Variants in SGF29 observed in about 807,000 individuals in gnomAD.
The protein encoded by SGF29 is SAGA complex associated factor 29, also known as SAGA-associated factor 29.
SGF29 carries 15 observed loss-of-function variants against 38.1 expected under a neutral mutation model. The observed-to-expected ratio is 0.39, with a 90% CI of 0.26 to 0.61. The LOEUF (loss-of-function observed/expected upper bound fraction) is 0.61. Among genes scored for constraint, SGF29 ranks in the 20% least tolerant of loss-of-function variants. SGF29 has a pLI of 0.49. For missense variants in SGF29, 184 were observed against 394.6 expected (o/e 0.47, Z 4.52); for synonymous variants, 151 against 160.8 (o/e 0.94, Z 0.46).
At chr16:28,568,827 C>T (rs1002817068) in intron 1 of SGF29, among the ~76,000 whole-genome samples, 2 of 151,778 alleles carry the variant, frequency 1.3e-5, no homozygotes, top group African/African-American at 2.4e-5. Context: ...GCAGGAGAAT[C>T]GCTTGAACCC....
rs543135530 is a variant in SGF29, at chr16:28,553,937, G to A, written c.-176G>A. On this transcript the variant is annotated 5_prime_UTR_variant, in exon 1 of 10. Coordinates refer to ENST00000317058, the MANE Select transcript of SGF29 (RefSeq NM_138414.3). ...TGCAAGGTCCTCCGCGCGCGACTAC[G>A]CTCATAAAAGGAAAAAAAAGCGTGT... is the stretch of plus-strand genomic sequence containing the variant. 8.5e-6 allele frequency: 1 copy of A among 117,254 alleles called. No individual in the cohort carries two copies. The highest frequency in any genetic ancestry group is 2.0e-5 in the Non-Finnish European group (1 of 50,602). 7.3% of individuals were successfully genotyped at this position (117,254 alleles called of 1,614,324 possible).
At chr16:28,566,611 G>A (rs930968708) in intron 1 of SGF29, among the ~76,000 whole-genome samples, 3 of 151,838 alleles carry the variant, frequency 2.0e-5, no homozygotes, top group African/African-American at 7.3e-5. Context: ...GCAACATGGT[G>A]AAACCTCATC....
chr16:28,588,559 T>G, intron 4 of SGF29: 1 of 427,746 alleles, frequency 2.3e-6, no homozygotes, highest in Non-Finnish European at 4.6e-6. Context: ...ATACTGAAGA[T>G]TTCCAGTTTT....
At chr16:28,569,011 C>T (rs1324619513) in intron 1 of SGF29, among the ~76,000 whole-genome samples, 2 of 152,044 alleles carry the variant, frequency 1.3e-5, no homozygotes, top group Non-Finnish European at 2.9e-5. Context: ...TCGCTTGAAC[C>T]TGGGAGGCGA....
chr16:28,564,667 AT>A (rs2046818426), intron 1 of SGF29, among the ~76,000 whole-genome samples: 1 of 37,290 alleles, frequency 2.7e-5, no homozygotes, highest in African/African-American at 8.6e-5. Context: ...ATATATATGC[AT>A]ATATATGTAT....
intron 9 of SGF29, 22 bp from the exon 10 acceptor site, chr16:28,591,568 C>G: frequency 5.1e-6 from 8 of 1,562,180 alleles, no homozygotes; most frequent in Non-Finnish European, 7.1e-6. Context: ...TGAGCAGCCC[C>G]TCCTGTCTGC....
At chr16:28,583,316 G>C (rs2046937232) in intron 2 of SGF29, among the ~76,000 whole-genome samples, 2 of 152,210 alleles carry the variant, frequency 1.3e-5, no homozygotes. Flanking sequence ...ACCTTTGTAA[G>C]GGATGTTAGC....
chr16:28,575,644 C>G (rs1300335281), intron 1 of SGF29, among the ~76,000 whole-genome samples: 2 of 152,190 alleles, frequency 1.3e-5, no homozygotes, highest in Admixed American at 6.5e-5. Flanking sequence ...GAGATTGAGT[C>G]ACTGCACTCC....
chr16:28,590,056 A>G lies in SGF29; in HGVS notation c.290-40A>G, dbSNP rs1202400073. 6.3e-7 allele frequency: 1 copy of G among 1,593,872 alleles called. No homozygotes were observed. The highest frequency in any genetic ancestry group is 8.5e-7 in the Non-Finnish European group (1 of 1,171,222). ...AGCATGCTCGGGGGTCAAGGCCGGC[A>G]CCTATCCCTGGGGCCTCAGGCCTCC... On this transcript the variant is annotated intron_variant, in intron 5 of 9. Transcript: ENST00000317058. This position sits in a 1 kb window ranked among gnomAD's most constrained non-coding sequence, Gnocchi z 8.2.
At chr16:28,556,079 A>C (rs2046749009) in intron 1 of SGF29, among the ~76,000 whole-genome samples, 1 of 152,208 alleles carries the variant, frequency 6.6e-6, no homozygotes, top group Admixed American at 6.5e-5. Flanking sequence ...TAAATGAGAA[A>C]CACTGGCATA....
At chr16:28,571,009 G>T (rs2046861739) in intron 1 of SGF29, among the ~76,000 whole-genome samples, 1 of 152,114 alleles carries the variant, frequency 6.6e-6, no homozygotes, top group Non-Finnish European at 1.5e-5. Context: ...ATGACTTTTG[G>T]GGGTTCAGGA....
In SGF29 at chr16:28,590,051, C is replaced by A; in HGVS notation, c.290-45C>A. ...AGTGCAGCATGCTCGGGGGTCAAGG[C>A]CGGCACCTATCCCTGGGGCCTCAGG... On this transcript the variant is annotated intron_variant, in intron 5 of 9. Transcript: ENST00000317058. The surrounding 1 kb of genome is among the most constrained non-coding windows in gnomAD (Gnocchi z 8.2). The A allele has an allele frequency of 6.3e-7, 1 of 1,586,766 alleles. No individual in the cohort carries two copies. The highest frequency in any genetic ancestry group is 8.6e-7 in the Non-Finnish European group (1 of 1,167,778).
intron 1 of SGF29, among the ~76,000 whole-genome samples, chr16:28,554,610 A>G (rs1019760129): frequency 2.0e-5 from 3 of 152,152 alleles, no homozygotes; most frequent in African/African-American, 7.2e-5. Context: ...GCGCCCGGCC[A>G]AAAAATGCCC....
chr16:28,576,352 C>T (rs187553200), intron 1 of SGF29, among the ~76,000 whole-genome samples: 2 of 152,138 alleles, frequency 1.3e-5, no homozygotes, highest in East Asian at 1.9e-4. Flanking sequence ...CCCCATGACA[C>T]ATATTTACCT....
At chr16:28,565,385 A>G (rs546990608) in intron 1 of SGF29, among the ~76,000 whole-genome samples, 2 of 152,306 alleles carry the variant, frequency 1.3e-5, no homozygotes, top group African/African-American at 4.8e-5. Context: ...GAGGTGCAGT[A>G]TGTAAGCAGG....
Position 28,570,544 on chromosome 16 carries a change from TTTTATTTA to T in SGF29, c.-15-10470_-15-10463del, listed in dbSNP as rs61126025. On this transcript the variant is annotated intron_variant, in intron 1 of 9. Coordinates refer to ENST00000317058, the MANE Select transcript of SGF29 (RefSeq NM_138414.3). ...TGATTGATTGATTGATTTTTTTAAATTTTATTTATTTATTTATTTATTTATTTATTTAT... is the reference window on the plus strand; with the variant it reads ...TGATTGATTGATTGATTTTTTTAAATTTTATTTATTTATTTATTTATTTAT... Among the ~76,000 whole-genome samples, 1,198 of 137,640 alleles carry T rather than the reference TTTTATTTA, an allele frequency of 8.7e-3. 14 individuals are homozygous for T. Among genetic ancestry groups the T allele is most frequent in the Admixed American group, 0.019 (263 of 13,520 alleles). 90.3% of individuals were successfully genotyped at this position (137,640 alleles called of 152,430 possible).
rs994060786 is a variant in SGF29 at position 28,590,044 on chromosome 16, G to T, written c.290-52G>T. 2 of 1,575,888 alleles carry T rather than the reference G, an allele frequency of 1.3e-6. No homozygotes were observed. The highest frequency in any genetic ancestry group is 2.4e-5 in the South Asian group (2 of 83,426). ...ACAGCTCAGTGCAGCATGCTCGGGG[G>T]TCAAGGCCGGCACCTATCCCTGGGG... is the stretch of plus-strand genomic sequence containing the variant. On this transcript the variant is annotated intron_variant, in intron 5 of 9. Coordinates refer to ENST00000317058, the MANE Select transcript of SGF29 (RefSeq NM_138414.3). The surrounding 1 kb of genome is among the most constrained non-coding windows in gnomAD (Gnocchi z 8.2).
intron 1 of SGF29, among the ~76,000 whole-genome samples, chr16:28,571,489 AG>A (rs1368453252): frequency 2.0e-5 from 3 of 150,660 alleles, no homozygotes; most frequent in African/African-American, 4.9e-5. Flanking sequence ...GCTACTTGGG[AG>A]GTTGAGGCAG....
chr16:28,581,209 G>T, intron 2 of SGF29, 65 bp downstream of exon 2: 1 of 1,467,888 alleles, frequency 6.8e-7, no homozygotes, highest in East Asian at 2.3e-5. Flanking sequence ...CCGTGAAGTG[G>T]GGGTGGCATT....
Sources: gnomAD v4.1 joint callset for allele counts (sites outside exome capture counted in the v4.1 genomes callset) on GRCh38, gnomAD v4.1.1 for gene constraint, Gnocchi (gnomAD v3.1) non-coding constraint, MANE v1.5 for transcripts, NCBI Gene and HGNC (gene_info 2026-07-23, HGNC 2026-07-21) for gene names.